The following PIEZO2 variants were observed in gnomAD, a reference collection of about 807,000 sequenced individuals.
PIEZO2 encodes piezo type mechanosensitive ion channel component 2.
A neutral mutation model predicts 337.3 loss-of-function variants in PIEZO2; 172 were observed. The ratio of observed to expected loss-of-function variants is 0.51; its 90% CI spans 0.45 to 0.58. PIEZO2 has a LOEUF of 0.58. PIEZO2 is among the 20% of genes least tolerant of loss of function. The probability of loss-of-function intolerance (pLI) is 0.00; values close to 1 mark genes in which losing one functional copy is unlikely to be tolerated. For synonymous variants in PIEZO2, 1,251 were observed against 1,228.5 expected, an observed-to-expected ratio of 1.02 and a Z score of -0.38; for missense variants, 3,028 against 3,391.3, an observed-to-expected ratio of 0.89 and a Z score of 2.66.
At chr18:11,049,218 C>A (rs2037429199) in intron 2 of PIEZO2, among the ~76,000 whole-genome samples, 1 of 152,162 alleles carries the variant, frequency 6.6e-6, no homozygotes, top group African/African-American at 2.4e-5. Context: ...AACAGCACTG[C>A]CAGCCCCTCA....
chr18:10,829,056 C>A (rs192917060), intron 7 of PIEZO2, among the ~76,000 whole-genome samples: 1 of 152,222 alleles, frequency 6.6e-6, no homozygotes, highest in African/African-American at 2.4e-5. Context: ...CACCTAAGTT[C>A]CTTCACATGA....
intron 13 of PIEZO2, among the ~76,000 whole-genome samples, chr18:10,791,906 A>G (rs1484824163): frequency 3.9e-5 from 6 of 152,210 alleles, no homozygotes; most frequent in Admixed American, 3.3e-4. Flanking sequence ...GGGGAACTCT[A>G]TTGTTTAGGA....
rs2039159908 is a variant in PIEZO2 at position 10,784,800 on chromosome 18, C to G, written c.2476G>C (p.Asp826His). 1.3e-6 allele frequency: 2 copies of G among 1,536,834 alleles called. No homozygotes were observed. The highest frequency in any genetic ancestry group is 1.7e-6 in the Non-Finnish European group (2 of 1,146,480). Reference protein sequence around the residue: ...TDLKSIPSKEDNTIYSHAKVN... With the variant: ...TDLKSIPSKEHNTIYSHAKVN... ...GTGGCTCACCTGTAGATGGTGTTGT[C>G]TTCTTTGCTGGGAATGGACTTGAGG... Residue 826 changes from aspartate (D) to histidine (H), a missense_variant, in exon 17 of 56, where the codon GAC becomes CAC. Physicochemically the swap from Asp to His is moderately conservative, Grantham distance 81. Around this residue, in one of 5 missense-constraint regions of PIEZO2, gnomAD observed 1,925 missense variants for 2,051.9 expected, o/e 0.94. Coordinates refer to ENST00000674853, the MANE Select transcript of PIEZO2 (RefSeq NM_001378183.1). This position sits in a 1 kb window ranked among gnomAD's most constrained non-coding sequence, Gnocchi z 4.5.
Position 10,802,308 on chromosome 18 carries a change from A to G in PIEZO2, c.1201-880T>C, listed in dbSNP as rs1017702021. ...CAATTTTAGGTCAGTACTCATTTGC[A>G]TTCTTAAAAATCACTGAGGGTCCCA... On this transcript the variant is annotated intron_variant, in intron 9 of 55. Coordinates refer to ENST00000674853, the MANE Select transcript of PIEZO2 (RefSeq NM_001378183.1). Among the ~76,000 whole-genome samples, 8 of 152,262 alleles carry G rather than the reference A, an allele frequency of 5.3e-5. No individual in the cohort carries two copies. In the East Asian group the frequency reaches 1.5e-3, roughly 29 times the overall value.
rs767953271 is a variant in PIEZO2 at position 10,691,233 on chromosome 18, T to C, written c.7341A>G (p.Leu2447=). Residue 2447 remains leucine (L), a synonymous_variant, in exon 48 of 56, where the codon TTA becomes TTG. Coordinates refer to ENST00000674853, the MANE Select transcript of PIEZO2 (RefSeq NM_001378183.1). ...TKSYNYVNLF[L]FQGFRLVPFL... ...GTTGCAGAGCGTCCTACCCTTGGAA[T>C]AAGAAGAGGTTGACGTAATTGTAGC... 6.2e-7 allele frequency: 1 copy of C among 1,613,666 alleles called. No homozygotes were observed. The highest frequency in any genetic ancestry group is 8.5e-7 in the Non-Finnish European group (1 of 1,179,926).
chr18:11,126,924 G>A lies in PIEZO2; in HGVS notation c.64+21601C>T, dbSNP rs566580254. On this transcript the variant is annotated intron_variant, in intron 1 of 55. Transcript: ENST00000674853. This position sits in a 1 kb window ranked among gnomAD's most constrained non-coding sequence, Gnocchi z 4.6. ...CTGGTGTCATTTCCATTGCTGTTGT[G>A]TGAACATTTAAGGCAATGCACTGAA... 2.6e-4 allele frequency among the ~76,000 whole-genome samples: 39 copies of A among 152,238 alleles called. No homozygotes were observed. The highest frequency in any genetic ancestry group is 9.1e-4 in the African/African-American group (38 of 41,536).
At chr18:10,865,221 G>A (rs1346766655) in intron 5 of PIEZO2, among the ~76,000 whole-genome samples, 1 of 152,198 alleles carries the variant, frequency 6.6e-6, no homozygotes, top group African/African-American at 2.4e-5. Context: ...AAGGTCAAGA[G>A]ACTGAATTTT....
At chr18:10,939,319 C>T (rs1407058236) in intron 3 of PIEZO2, among the ~76,000 whole-genome samples, 3 of 152,176 alleles carry the variant, frequency 2.0e-5, no homozygotes, top group Non-Finnish European at 4.4e-5. Flanking sequence ...TGTGAGAGGC[C>T]TGTAGTTTGC....
rs1415835266 is a variant in PIEZO2 at position 11,146,395 on chromosome 18, G to C, written c.64+2130C>G. 1.3e-5 allele frequency among the ~76,000 whole-genome samples: 2 copies of C among 152,088 alleles called. No individual in the cohort carries two copies. Among genetic ancestry groups the C allele is most frequent in the Non-Finnish European group, 2.9e-5 (2 of 68,016 alleles). On this transcript the variant is annotated intron_variant, in intron 1 of 55. Coordinates refer to ENST00000674853, the MANE Select transcript of PIEZO2 (RefSeq NM_001378183.1). The surrounding 1 kb of genome is among the most constrained non-coding windows in gnomAD (Gnocchi z 6.1). ...CGGGCACCACAGAAGAAGCTCGGTGGGGGTCCCAGTGGTGAGAGGCAGGGC... is the reference window on the plus strand; with the variant it reads ...CGGGCACCACAGAAGAAGCTCGGTGCGGGTCCCAGTGGTGAGAGGCAGGGC...
intron 7 of PIEZO2, among the ~76,000 whole-genome samples, chr18:10,842,604 C>T (rs1337841814): frequency 6.6e-6 from 1 of 152,242 alleles, no homozygotes; most frequent in Non-Finnish European, 1.5e-5. Flanking sequence ...GGAGCAGATG[C>T]TGGCGCCACA....
At chr18:10,977,858 T>C (rs2034504926) in intron 3 of PIEZO2, among the ~76,000 whole-genome samples, 1 of 152,226 alleles carries the variant, frequency 6.6e-6, no homozygotes, top group Non-Finnish European at 1.5e-5. Context: ...CAAAATGTCC[T>C]GAATAGACAA....
intron 3 of PIEZO2, among the ~76,000 whole-genome samples, chr18:10,927,003 T>C (rs996206736): frequency 2.6e-5 from 4 of 152,178 alleles, no homozygotes; most frequent in African/African-American, 4.8e-5. Flanking sequence ...AGAATACAAA[T>C]GTCTTACTCA....
intron 1 of PIEZO2, among the ~76,000 whole-genome samples, chr18:11,071,423 G>A (rs760146704): frequency 7.9e-5 from 12 of 152,228 alleles, no homozygotes; most frequent in East Asian, 5.8e-4. Flanking sequence ...TGTGATGGGC[G>A]TTGTCCCAGG....
At chr18:11,023,760 C>T (rs961401948) in intron 2 of PIEZO2, among the ~76,000 whole-genome samples, 5 of 152,202 alleles carry the variant, frequency 3.3e-5, no homozygotes, top group African/African-American at 1.2e-4. Context: ...GAGGCTCAGG[C>T]ATGGTGGGCT....
At chr18:11,036,680 A>G (rs2036932914) in intron 2 of PIEZO2, among the ~76,000 whole-genome samples, 1 of 152,154 alleles carries the variant, frequency 6.6e-6, no homozygotes, top group South Asian at 2.1e-4. Flanking sequence ...TCACCAATGT[A>G]ACCGATATGG....
intron 30 of PIEZO2, among the ~76,000 whole-genome samples, chr18:10,747,955 T>C (rs1037637212): frequency 6.0e-5 from 9 of 150,032 alleles, no homozygotes; most frequent in Non-Finnish European, 8.9e-5. Flanking sequence ...CACCCCCACC[T>C]CAGGGCACTT....
intron 3 of PIEZO2, among the ~76,000 whole-genome samples, chr18:10,963,537 A>G (rs921644506): frequency 4.6e-5 from 7 of 152,216 alleles, no homozygotes; most frequent in Non-Finnish European, 8.8e-5. Flanking sequence ...CAATAAGAAA[A>G]AAACTTAATT....
chr18:10,730,883 C>T (rs1268740282), intron 36 of PIEZO2, among the ~76,000 whole-genome samples: 2 of 152,020 alleles, frequency 1.3e-5, no homozygotes, highest in African/African-American at 2.4e-5. Flanking sequence ...TCCGCTACCA[C>T]GCCGGGCTAA....
chr18:11,025,498 C>A (rs2036506109), intron 2 of PIEZO2, among the ~76,000 whole-genome samples: 1 of 152,144 alleles, frequency 6.6e-6, no homozygotes, highest in Non-Finnish European at 1.5e-5. Context: ...CTTTGAATGG[C>A]GCCCTGGGCT....
Sources: allele counts gnomAD v4.1 joint callset (sites outside exome capture counted in the v4.1 genomes callset), GRCh38; gene constraint gnomAD v4.1.1; regional missense constraint gnomAD v4.1.1; non-coding constraint Gnocchi (gnomAD v3.1); transcripts MANE v1.5; gene names NCBI Gene and HGNC (gene_info 2026-07-23, HGNC 2026-07-21).